Variants in AKR1C8 observed in about 807,000 individuals in gnomAD.
AKR1C8 encodes the protein aldo-keto reductase family 1 member C8, also known as aldo-keto reductase family 1 member C-like protein 1.
At chr10:5,119,391 A>C in the AKR1C8 span, among the ~76,000 whole-genome samples, 1 of 152,216 alleles carries the variant, frequency 6.6e-6, no homozygotes, top group Admixed American at 6.5e-5. Context: ...ATAAAAGTAC[A>C]TAATCTACAT....
At chr10:5,160,943 C>T in the AKR1C8 span, 1 of 468,352 alleles carries the variant, frequency 2.1e-6, no homozygotes. Context: ...ATTCTCCTTT[C>T]TGGTGCCTAA....
At chr10:5,155,447 T>C in the AKR1C8 span, 3 of 234,320 alleles carry the variant, frequency 1.3e-5, no homozygotes, top group African/African-American at 4.6e-5. Context: ...CCTTCAAGAA[T>C]TGGATTCACA....
the AKR1C8 span, among the ~76,000 whole-genome samples, chr10:5,144,015 G>A: frequency 6.6e-6 from 1 of 151,972 alleles, no homozygotes; most frequent in Non-Finnish European, 1.5e-5. Context: ...TTTGCAAAAG[G>A]CCAGGAAATT....
the AKR1C8 span, among the ~76,000 whole-genome samples, chr10:5,161,381 G>A: frequency 8.4e-3 from 1,274 of 152,252 alleles, 13 homozygotes; most frequent in African/African-American, 0.029. Context: ...TTAGATCAGC[G>A]GAGCCCAAAG....
the AKR1C8 span, among the ~76,000 whole-genome samples, chr10:5,118,438 A>G: frequency 5.3e-5 from 8 of 152,266 alleles, no homozygotes; most frequent in South Asian, 2.1e-4. Flanking sequence ...TATGACCTAG[A>G]GTCAAACAAG....
chr10:5,183,479 T>G, the AKR1C8 span, among the ~76,000 whole-genome samples: 2 of 152,300 alleles, frequency 1.3e-5, no homozygotes, highest in East Asian at 1.9e-4. Context: ...CCCAAATTAT[T>G]TCTTCTCACA....
chr10:5,116,973 A>G, the AKR1C8 span, among the ~76,000 whole-genome samples: 1 of 152,184 alleles, frequency 6.6e-6, no homozygotes, highest in Non-Finnish European at 1.5e-5. Flanking sequence ...AATCTCTCCA[A>G]AATAGATGAT....
chr10:5,155,878 A>T, the AKR1C8 span: 2 of 362,256 alleles, frequency 5.5e-6, no homozygotes, highest in African/African-American at 2.1e-5. Flanking sequence ...TTTCATCCTC[A>T]TCAGCTTCCA....
chr10:5,133,980 T>C, the AKR1C8 span, among the ~76,000 whole-genome samples: 1 of 152,230 alleles, frequency 6.6e-6, no homozygotes, highest in African/African-American at 2.4e-5. Context: ...AGGAAAGATA[T>C]AATTTCAGTG....
At chr10:5,161,948 C>G in the AKR1C8 span, 1 of 534,112 alleles carries the variant, frequency 1.9e-6, no homozygotes, top group Non-Finnish European at 3.8e-6. Flanking sequence ...TGAACCAATT[C>G]TGCCCGAAAG....
At chr10:5,124,562 C>T in the AKR1C8 span, among the ~76,000 whole-genome samples, 26 of 151,682 alleles carry the variant, frequency 1.7e-4, no homozygotes, top group African/African-American at 6.3e-4. Flanking sequence ...AAGGAAGGAA[C>T]AAATACAATA....
the AKR1C8 span, among the ~76,000 whole-genome samples, chr10:5,180,173 T>C: frequency 4.6e-5 from 7 of 152,232 alleles, no homozygotes; most frequent in African/African-American, 1.7e-4. Context: ...CCTTTCTTTT[T>C]GTTAGTTTTC....
the AKR1C8 span, among the ~76,000 whole-genome samples, chr10:5,139,634 T>C: frequency 6.6e-6 from 1 of 152,190 alleles, no homozygotes; most frequent in South Asian, 2.1e-4. Context: ...TCCTTATATC[T>C]TGTACAAAAA....
At chr10:5,134,531 T>A in the AKR1C8 span, among the ~76,000 whole-genome samples, 1 of 152,176 alleles carries the variant, frequency 6.6e-6, no homozygotes. Context: ...GGACCAAAAA[T>A]CTAAAATTTC....
the AKR1C8 span, among the ~76,000 whole-genome samples, chr10:5,174,037 CT>C: frequency 6.6e-6 from 1 of 151,980 alleles, no homozygotes. Flanking sequence ...CTCTGTTTTC[CT>C]TGTGGAACCT....
chr10:5,116,060 T>G, the AKR1C8 span, among the ~76,000 whole-genome samples: 1 of 152,120 alleles, frequency 6.6e-6, no homozygotes, highest in Non-Finnish European at 1.5e-5. Context: ...CTGGGTCACT[T>G]GTAGTCCTGC....
At chr10:5,175,565 T>A in the AKR1C8 span, among the ~76,000 whole-genome samples, 2 of 152,208 alleles carry the variant, frequency 1.3e-5, no homozygotes, top group African/African-American at 2.4e-5. Context: ...ACTTCCACAA[T>A]GTTTGAACTA....
At chr10:5,181,885 TAACA>T in the AKR1C8 span, among the ~76,000 whole-genome samples, 27 of 152,266 alleles carry the variant, frequency 1.8e-4, 1 homozygote, top group East Asian at 5.0e-3. Flanking sequence ...TATAAGACTT[TAACA>T]AACACTCTCA....
chr10:5,141,111 T>G, the AKR1C8 span, among the ~76,000 whole-genome samples: 1 of 152,264 alleles, frequency 6.6e-6, no homozygotes, highest in African/African-American at 2.4e-5. Context: ...TCATAATATT[T>G]TAAATCCTTT....
Sources: gnomAD v4.1 joint callset for allele counts (sites outside exome capture counted in the v4.1 genomes callset) on GRCh38, gnomAD v4.1.1 for gene constraint, MANE v1.5 for transcripts, NCBI Gene and HGNC (gene_info 2026-07-23, HGNC 2026-07-21) for gene names.